FSTL4: variants seen among roughly 807,000 people sequenced by gnomAD.
FSTL4 encodes follistatin-related protein 4.
Under a neutral mutation model 78.2 loss-of-function variants are expected in FSTL4, and 28 were observed. That is an observed-to-expected ratio of 0.36 (90% CI 0.27 to 0.49). The LOEUF is 0.49. FSTL4 is among the 20% of genes least tolerant of loss of function. The pLI, the probability that FSTL4 is intolerant of heterozygous loss-of-function variation, is 0.98. For synonymous variants in FSTL4, 422 were observed against 440.5 expected, an observed-to-expected ratio of 0.96 and a Z score of 0.53; for missense variants, 922 against 1,084.9, an observed-to-expected ratio of 0.85 and a Z score of 2.11.
chr5:133,339,738 C>T (rs1377257147), intron 4 of FSTL4, among the ~76,000 whole-genome samples: 1 of 152,194 alleles, frequency 6.6e-6, no homozygotes, highest in Non-Finnish European at 1.5e-5. Context: ...TGCTCACAGG[C>T]TTTCCCTTTT....
chr5:133,722,197 C>T, the FSTL4 span, among the ~76,000 whole-genome samples: 1 of 152,068 alleles, frequency 6.6e-6, no homozygotes, highest in Non-Finnish European at 1.5e-5. Flanking sequence ...TCAGCAGGGA[C>T]ATTAGATTCT....
chr5:133,714,171 T>C, the FSTL4 span, among the ~76,000 whole-genome samples: 1 of 152,056 alleles, frequency 6.6e-6, no homozygotes, highest in Non-Finnish European at 1.5e-5. Flanking sequence ...TGCCTCCAGC[T>C]CAGCCCAGCC....
At chr5:133,780,723 A>G in the FSTL4 span, among the ~76,000 whole-genome samples, 1 of 151,128 alleles carries the variant, frequency 6.6e-6, no homozygotes, top group Admixed American at 6.6e-5. Flanking sequence ...TAATCCCCAG[A>G]ATAACCCGAT....
the FSTL4 span, among the ~76,000 whole-genome samples, chr5:133,743,075 T>C: frequency 1.3e-5 from 2 of 152,070 alleles, no homozygotes; most frequent in Non-Finnish European, 2.9e-5. Flanking sequence ...GGAAGAAATA[T>C]ACCAGGGAAA....
intron 6 of FSTL4, among the ~76,000 whole-genome samples, chr5:133,290,006 G>A (rs747943986): frequency 2.0e-5 from 3 of 152,272 alleles, no homozygotes; most frequent in Admixed American, 6.5e-5. Flanking sequence ...TGAGGCCTGC[G>A]TGCAAAGTGG....
Position 133,582,208 on chromosome 5 carries a change from G to A in FSTL4, c.127-14989C>T, listed in dbSNP as rs1441675399. 2.0e-5 allele frequency among the ~76,000 whole-genome samples: 3 copies of A among 152,270 alleles called. No homozygotes were observed. In the East Asian group the frequency reaches 5.8e-4, roughly 29 times the overall value. ...AGAGTAGGCTCAAGCAGCCAGGACT[G>A]AGAAGCCTCCTGGTGACATGGAGAA... On this transcript the variant is annotated intron_variant, in intron 2 of 15. Coordinates refer to ENST00000265342, the MANE Select transcript of FSTL4 (RefSeq NM_015082.2).
intron 7 of FSTL4, among the ~76,000 whole-genome samples, chr5:133,235,153 G>A (rs1404035151): frequency 6.6e-6 from 1 of 152,056 alleles, no homozygotes; most frequent in African/African-American, 2.4e-5. Flanking sequence ...ACACTCCAGA[G>A]GGCCCGGCCA....
chr5:133,699,427 C>T, the FSTL4 span, among the ~76,000 whole-genome samples: 4 of 152,092 alleles, frequency 2.6e-5, no homozygotes, highest in African/African-American at 9.7e-5. Flanking sequence ...TACTACACAC[C>T]GAGAACTGTG....
chr5:133,394,037 G>C (rs1463884402), intron 4 of FSTL4, among the ~76,000 whole-genome samples: 2 of 152,244 alleles, frequency 1.3e-5, no homozygotes, highest in East Asian at 1.9e-4. Flanking sequence ...CAAAGCTATG[G>C]GTGCCTTTGA....
At chr5:133,801,942 A>C in the FSTL4 span, among the ~76,000 whole-genome samples, 380 of 152,126 alleles carry the variant, frequency 2.5e-3, 2 homozygotes, top group African/African-American at 8.3e-3. Context: ...TACTCCTTTC[A>C]TCTCATCAAG....
At chr5:133,621,813 A>AT in the FSTL4 span, among the ~76,000 whole-genome samples, 8 of 152,170 alleles carry the variant, frequency 5.3e-5, no homozygotes, top group East Asian at 7.7e-4. Flanking sequence ...TCACTTAGTG[A>AT]TTTTTTTATT....
At chr5:133,453,167 C>T (rs191012858) in intron 3 of FSTL4, among the ~76,000 whole-genome samples, 103 of 152,294 alleles carry the variant, frequency 6.8e-4, no homozygotes, top group Admixed American at 1.8e-3. Flanking sequence ...CTACATCCAA[C>T]GACAACACAG....
At chr5:133,639,320 T>C in the FSTL4 span, among the ~76,000 whole-genome samples, 32 of 151,432 alleles carry the variant, frequency 2.1e-4, 1 homozygote, top group South Asian at 6.3e-3. Flanking sequence ...TAGACTCATA[T>C]GTGGCAGTAG....
At chr5:133,251,918 T>G (rs1273234075) in intron 6 of FSTL4, among the ~76,000 whole-genome samples, 1 of 152,158 alleles carries the variant, frequency 6.6e-6, no homozygotes, top group Non-Finnish European at 1.5e-5. Context: ...CACCAGACTG[T>G]GAGCCCAGAT....
At chr5:133,295,292 C>T (rs1753363919) in intron 6 of FSTL4, among the ~76,000 whole-genome samples, 1 of 152,140 alleles carries the variant, frequency 6.6e-6, no homozygotes, top group South Asian at 2.1e-4. Flanking sequence ...ACTGGGTCTG[C>T]CGCCCATCCA....
At chr5:133,671,182 C>T in the FSTL4 span, among the ~76,000 whole-genome samples, 2 of 152,162 alleles carry the variant, frequency 1.3e-5, no homozygotes, top group Non-Finnish European at 2.9e-5. Context: ...GAGCAGAGTT[C>T]CCTTGATGAC....
At chr5:133,219,471 T>TA (rs1446211100) in intron 12 of FSTL4, among the ~76,000 whole-genome samples, 53 of 152,354 alleles carry the variant, frequency 3.5e-4, no homozygotes, top group Non-Finnish European at 5.7e-4. Context: ...CTGAAGGCTA[T>TA]GCCTTTATCT....
intron 3 of FSTL4, among the ~76,000 whole-genome samples, chr5:133,487,508 G>T (rs1758161282): frequency 6.6e-6 from 1 of 152,136 alleles, no homozygotes; most frequent in South Asian, 2.1e-4. Flanking sequence ...GTGACCTCAG[G>T]TGAGCTCCTG....
chr5:133,358,163 C>T (rs963310205), intron 4 of FSTL4, among the ~76,000 whole-genome samples: 2 of 152,202 alleles, frequency 1.3e-5, no homozygotes, highest in Non-Finnish European at 1.5e-5. Context: ...ATAGCAGGAA[C>T]CTTATGATTA....
Sources: allele counts gnomAD v4.1 joint callset (sites outside exome capture counted in the v4.1 genomes callset), GRCh38; gene constraint gnomAD v4.1.1; transcripts MANE v1.5; gene names NCBI Gene and HGNC (gene_info 2026-07-23, HGNC 2026-07-21).